Variants in GPR153 observed in about 807,000 individuals in gnomAD.
The protein encoded by GPR153 is probable G protein-coupled receptor 153.
Under a neutral mutation model 34.1 loss-of-function variants are expected in GPR153, and 27 were observed. The observed-to-expected ratio is 0.79, with a 90% CI of 0.58 to 1.09. GPR153 has a LOEUF of 1.09. GPR153 is among the 50% of genes least tolerant of loss of function. GPR153 has a pLI of 0.00. For synonymous variants in GPR153, 408 were observed against 405.4 expected, an observed-to-expected ratio of 1.01 and a Z score of -0.08; for missense variants, 848 against 860.2, an observed-to-expected ratio of 0.99 and a Z score of 0.18.
At position 6,253,628 on chromosome 1, in the gene GPR153, G is replaced by T. The variant is rs577562391; in HGVS notation, c.786+90C>A. On this transcript the variant is annotated intron_variant, in intron 3 of 5. Coordinates refer to ENST00000377893, the MANE Select transcript of GPR153 (RefSeq NM_207370.4). ...GATCAAGCCCATCTCAAAGGATTGG[G>T]TCTGAGGACTCAACCACCTGATGCC... is the stretch of plus-strand genomic sequence containing the variant. 1.0e-5 allele frequency: 12 copies of T among 1,163,538 alleles called. No individual in the cohort carries two copies. The East Asian group carries it at 2.9e-4, about 28-fold the overall frequency. The allele number at this position is 1,163,538 out of a possible 1,614,324, so 72.1% of individuals were successfully genotyped here. A position where few individuals can be genotyped will look rare whatever the true frequency, so the allele number is the denominator to read the frequency against.
chr1:6,249,635 C>G lies in GPR153; in HGVS notation c.1533G>C (p.Glu511Asp). ...DAFALTAFEC[E>D]PQALRRPPGP... is the part of the protein sequence containing the mutation. The stretch of plus-strand genomic sequence containing the variant: ...CGGGCGGGCGGCGCAGGGCCTGTGG[C>G]TCGCACTCGAAGGCGGTCAGGGCGA... Residue 511 changes from glutamate to aspartate, a missense_variant, in exon 6 of 6, where the codon GAG becomes GAC. By Grantham distance (45) the Glu-to-Asp change is conservative. Transcript: ENST00000377893. This position sits in a 1 kb window ranked among gnomAD's most constrained non-coding sequence, Gnocchi z 4.3. The G allele has an allele frequency of 6.4e-6, 7 of 1,100,878 alleles. No homozygotes were observed. Among genetic ancestry groups the G allele is most frequent in the Non-Finnish European group, 7.7e-6 (7 of 905,550 alleles). 68.2% of individuals were successfully genotyped at this position (1,100,878 alleles called of 1,614,324 possible).
chr1:6,254,188 C>T, intron 2 of GPR153, 41 bp from the exon 3 acceptor site: 1 of 1,564,810 alleles, frequency 6.4e-7, no homozygotes, highest in Non-Finnish European at 8.7e-7. Flanking sequence ...CTGGCGTCAC[C>T]CACAGGGCCT....
In GPR153 at chr1:6,249,447, C is replaced by T. The variant is rs1341907143; in HGVS notation, c.1721G>A (p.Gly574Glu). The T allele has an allele frequency of 2.2e-6, 3 of 1,354,260 alleles. No individual in the cohort carries two copies. Among genetic ancestry groups the T allele is most frequent in the Non-Finnish European group, 2.8e-6 (3 of 1,058,124 alleles). 83.9% of individuals were successfully genotyped at this position (1,354,260 alleles called of 1,614,324 possible). A position where few individuals can be genotyped will look rare whatever the true frequency, so the allele number is the denominator to read the frequency against. Residue 574 changes from glycine (G) to glutamate (E), a missense_variant, in exon 6 of 6, where the codon GGG becomes GAG. Gly to Glu is a moderately conservative substitution (Grantham distance 98). Transcript: ENST00000377893. The surrounding 1 kb of genome is among the most constrained non-coding windows in gnomAD (Gnocchi z 4.3). Reference protein sequence around the residue: ...GLSASWGEPGGLRAAGGGGST... With the variant: ...GLSASWGEPGELRAAGGGGST... ...GCCGCCGCCGCCCGCCGCGCGCAGC[C>T]CCCCGGGCTCGCCCCACGACGCGCT...
chr1:6,254,106 C>A lies in GPR153; in HGVS notation c.398G>T (p.Gly133Val). Residue 133 changes from glycine to valine, a missense_variant, in exon 3 of 6, where the codon GGT becomes GTT. Transcript: ENST00000377893. ...CAGGATGAAGGACACCATCCAGATA[C>A]CCATGACTGTGTGCACCGCCTGCTT... The part of the protein sequence containing the change: ...AKKQAVHTVM[G>V]IWMVSFILSA... 2 of 1,613,192 alleles carry A rather than the reference C, an allele frequency of 1.2e-6. No homozygotes were observed. The highest frequency in any genetic ancestry group is 1.7e-6 in the Non-Finnish European group (2 of 1,179,608).
In GPR153 at chr1:6,251,499, G is replaced by A; in HGVS notation, c.818C>T (p.Ala273Val). 1 of 1,608,598 alleles carries A rather than the reference G, an allele frequency of 6.2e-7. No individual in the cohort carries two copies. Among genetic ancestry groups the A allele is most frequent in the Non-Finnish European group, 8.5e-7 (1 of 1,178,094 alleles). The change falls in exon 4 of 6, where the codon GCC (alanine) becomes GTC (valine). Residue 273 changes from alanine (A) to valine (V), a missense_variant. Coordinates refer to ENST00000377893, the MANE Select transcript of GPR153 (RefSeq NM_207370.4). The surrounding 1 kb of genome is among the most constrained non-coding windows in gnomAD (Gnocchi z 4.9). ...GCAGAGTGCCATCCAGGGCGCTGAG[G>A]CGTCGGCCCGCAGGCTGCTGAAGCT... ...VVSFSSLRAD[A>V]SAPWMALCVL...
At position 6,250,976 on chromosome 1, in the gene GPR153, A is replaced by G. The variant is rs80303117; in HGVS notation, c.980-352T>C. Among the ~76,000 whole-genome samples the G allele has an allele frequency of 5.6e-3, 856 of 152,254 alleles. 7 individuals are homozygous for G. The highest frequency in any genetic ancestry group is 0.019 in the African/African-American group (799 of 41,534). ...GGGTAATGGGATTGCTGGTAACGGTATCCAGACAGGACCTCGGTCTGCAGG... is the reference window on the plus strand; with the variant it reads ...GGGTAATGGGATTGCTGGTAACGGTGTCCAGACAGGACCTCGGTCTGCAGG... On this transcript the variant is annotated intron_variant, in intron 4 of 5. Coordinates refer to ENST00000377893, the MANE Select transcript of GPR153 (RefSeq NM_207370.4).
intron 5 of GPR153, 152 bp from the exon 6 acceptor site, chr1:6,250,155 T>G: frequency 7.3e-7 from 1 of 1,365,522 alleles, no homozygotes; most frequent in South Asian, 2.1e-5. Context: ...TGGTGCAGTC[T>G]CTTCGAGCCG....
chr1:6,250,138 T>A lies in GPR153; in HGVS notation c.1165-135A>T, dbSNP rs1164718592. 1.5e-6 allele frequency: 2 copies of A among 1,325,946 alleles called. 1 individual carries two copies. Among genetic ancestry groups the A allele is most frequent in the East Asian group, 6.0e-5 (2 of 33,342 alleles). 82.1% of individuals were successfully genotyped at this position (1,325,946 alleles called of 1,614,324 possible). Reference sequence around the variant, plus strand: ...GCTGGGGCAGTCTGGCTGGGAGCTGTGAGGTTTGGTGCAGTCTCTTCGAGC... The same window carrying A: ...GCTGGGGCAGTCTGGCTGGGAGCTGAGAGGTTTGGTGCAGTCTCTTCGAGC... On this transcript the variant is annotated intron_variant, in intron 5 of 5. Transcript: ENST00000377893.
intron 1 of GPR153, among the ~76,000 whole-genome samples, chr1:6,259,903 G>A (rs1283810034): frequency 6.6e-6 from 1 of 152,162 alleles, no homozygotes. Flanking sequence ...CTCCTGCTGG[G>A]AAGTGTCTCC....
In GPR153 at chr1:6,249,623, C is replaced by A. The variant is rs1468748627; in HGVS notation, c.1545G>T (p.Leu515=). ...LTAFECEPQA[L]RRPPGPFPAA... ...CGGGGAAGGGCCCGGGCGGGCGGCG[C>A]AGGGCCTGTGGCTCGCACTCGAAGG... The change falls in exon 6 of 6, where the codon CTG becomes CTT. Residue 515 remains leucine, a synonymous_variant. Transcript: ENST00000377893. This position sits in a 1 kb window ranked among gnomAD's most constrained non-coding sequence, Gnocchi z 4.3. 1.8e-6 allele frequency: 2 copies of A among 1,112,938 alleles called. No homozygotes were observed. Among genetic ancestry groups the A allele is most frequent in the Non-Finnish European group, 2.2e-6 (2 of 913,036 alleles). The allele number at this position is 1,112,938 out of a possible 1,614,324, so 68.9% of individuals were successfully genotyped here.
In GPR153 at chr1:6,249,561, T is replaced by G. The variant is rs999492313; in HGVS notation, c.1607A>C (p.Glu536Ala). Residue 536 changes from glutamate (E) to alanine (A), a missense_variant, in exon 6 of 6, where the codon GAG (glutamate) becomes GCG (alanine). Physicochemically the swap from Glu to Ala is moderately radical, Grantham distance 107. Transcript: ENST00000377893. The surrounding 1 kb of genome is among the most constrained non-coding windows in gnomAD (Gnocchi z 4.3). ...PAAPDGADPG[E>A]APTPPSSAQR... ...GGCGCTGCTTGGGGGCGTCGGGGCC[T>G]CTCCGGGATCTGCGCCGTCGGGGGC... 1.4e-4 allele frequency: 163 copies of G among 1,187,678 alleles called. No homozygotes were observed. The African/African-American group carries it at 2.5e-3, about 18-fold the overall frequency. The allele number at this position is 1,187,678 out of a possible 1,614,324, so 73.6% of individuals were successfully genotyped here. A position where few individuals can be genotyped will look rare whatever the true frequency, so the allele number is the denominator to read the frequency against.
At chr1:6,259,239 G>A (rs1464788416) in intron 1 of GPR153, among the ~76,000 whole-genome samples, 1 of 152,204 alleles carries the variant, frequency 6.6e-6, no homozygotes, top group African/African-American at 2.4e-5. Flanking sequence ...TCTAGCCTGA[G>A]CAACAGAGTG....
At chr1:6,255,641 CGTT>C (rs1292641459) in intron 1 of GPR153, among the ~76,000 whole-genome samples, 29 of 35,184 alleles carry the variant, frequency 8.2e-4, no homozygotes, top group African/African-American at 2.8e-3. Context: ...TGCCTGGCTA[CGTT>C]TTTTTTTTTT....
rs551423862 is a variant in GPR153, at chr1:6,251,913, G to A, written c.787-383C>T. Among the ~76,000 whole-genome samples the A allele has an allele frequency of 3.9e-5, 6 of 152,210 alleles. No homozygotes were observed. The highest frequency in any genetic ancestry group is 3.4e-3 in the Middle Eastern group (1 of 294). ...TGGGCTTAAGAGATCCTCCTGCCTC[G>A]GCCTCCCAAAGTGCTGGGATTACGG... On this transcript the variant is annotated intron_variant, in intron 3 of 5. Transcript: ENST00000377893. The surrounding 1 kb of genome is among the most constrained non-coding windows in gnomAD (Gnocchi z 4.9).
At position 6,255,025 on chromosome 1, in the gene GPR153, G is replaced by A; in HGVS notation, c.-109-11C>T. 1.5e-6 allele frequency: 1 copy of A among 654,800 alleles called. No homozygotes were observed. Among genetic ancestry groups the A allele is most frequent in the Non-Finnish European group, 2.5e-6 (1 of 404,942 alleles). 40.6% of individuals were successfully genotyped at this position (654,800 alleles called of 1,614,324 possible). On this transcript the variant is annotated splice_polypyrimidine_tract_variant and intron_variant, in intron 1 of 5. Coordinates refer to ENST00000377893, the MANE Select transcript of GPR153 (RefSeq NM_207370.4). ...GGGGACCACGAGCATCTGTGGGGGGGTGGCAGTGGGCACTCAGTGACTTCC... is the reference window on the plus strand; with the variant it reads ...GGGGACCACGAGCATCTGTGGGGGGATGGCAGTGGGCACTCAGTGACTTCC...
At chr1:6,253,682 CAG>C (rs758742208) in intron 3 of GPR153, 34 bp downstream of exon 3, 6 of 1,508,030 alleles carry the variant, frequency 4.0e-6, no homozygotes, top group African/African-American at 1.4e-5. Flanking sequence ...AGGGCTGTCC[CAG>C]AGACAGGCCC....
Position 6,253,760 on chromosome 1 carries a change from G to A in GPR153, c.744C>T (p.Thr248=). The A allele has an allele frequency of 1.9e-6, 3 of 1,541,420 alleles. No homozygotes were observed. The highest frequency in any genetic ancestry group is 1.8e-4 in the Middle Eastern group (1 of 5,704). Residue 248 remains threonine, a synonymous_variant, in exon 3 of 6, where the codon ACC becomes ACT. Transcript: ENST00000377893. ...TGAGGCAGTCGTAGATGAAGACTATGGTGGTCACGAGGCCCGTGGTCTGCA... is the reference window on the plus strand; with the variant it reads ...TGAGGCAGTCGTAGATGAAGACTATAGTGGTCACGAGGCCCGTGGTCTGCA... The part of the protein sequence containing the change: ...TSLQTTGLVT[T]IVFIYDCLMG...
rs371498933 is a variant in GPR153, at chr1:6,254,806, C to T, written c.100G>A (p.Ala34Thr). The T allele has an allele frequency of 3.3e-5, 54 of 1,613,240 alleles. No homozygotes were observed. In the Middle Eastern group the frequency reaches 1.2e-3, roughly 35 times the overall value. ...AAGGGCTTCCACTTCTTCTGCTTGG[C>T]GCCAACGCTGAGGATGCCCCAGGCA... Reference protein sequence around the residue: ...ANAWGILSVGAKQKKWKPLEF... With the variant: ...ANAWGILSVGTKQKKWKPLEF... Residue 34 changes from alanine (A) to threonine (T), a missense_variant, in exon 2 of 6, where the codon GCC becomes ACC. By Grantham distance (58) the Ala-to-Thr change is moderately conservative. Transcript: ENST00000377893.
chr1:6,254,358 T>C (rs1638517146), intron 2 of GPR153, among the ~76,000 whole-genome samples, 192 bp downstream of exon 2: 1 of 152,184 alleles, frequency 6.6e-6, no homozygotes, highest in African/African-American at 2.4e-5. Context: ...CATTCTGTAT[T>C]GGCTGCTTGT....
Sources: gnomAD v4.1 joint callset for allele counts (sites outside exome capture counted in the v4.1 genomes callset) on GRCh38, gnomAD v4.1.1 for gene constraint, Gnocchi (gnomAD v3.1) non-coding constraint, MANE v1.5 for transcripts, NCBI Gene and HGNC (gene_info 2026-07-23, HGNC 2026-07-21) for gene names.